ZNF836: variants seen among roughly 807,000 people sequenced by gnomAD.
ZNF836 encodes zinc finger protein 836.
A neutral mutation model predicts 7.4 loss-of-function variants in ZNF836; 12 were observed. That is an observed-to-expected ratio of 1.61 (90% CI 1.03 to 2.61). The LOEUF (loss-of-function observed/expected upper bound fraction) is 2.61. Among genes scored for constraint, ZNF836 ranks in the 30% most tolerant of loss-of-function variants. The probability of loss-of-function intolerance (pLI) is 0.00; values close to 1 mark genes in which losing one functional copy is unlikely to be tolerated. For synonymous variants in ZNF836, 365 were observed against 382.6 expected, an observed-to-expected ratio of 0.95 and a Z score of 0.54; for missense variants, 998 against 1,126.2, an observed-to-expected ratio of 0.89 and a Z score of 1.63.
chr19:52,155,151 A>G lies in ZNF836; in HGVS notation c.2532T>C (p.Ile844=). The part of the protein sequence containing the change: ...YKCNECGKAF[I]ERSKLVYHQR... The stretch of plus-strand genomic sequence containing the variant: ...GATGGTACACCAGCTTTGACCTTTC[A>G]ATAAAAGCTTTACCACATTCATTAC... The change falls in exon 5 of 5, where the codon ATT becomes ATC. Residue 844 remains isoleucine, a synonymous_variant. Coordinates refer to ENST00000682614, the MANE Select transcript of ZNF836 (RefSeq NM_001102657.3). 2 of 1,614,100 alleles carry G rather than the reference A, an allele frequency of 1.2e-6. No individual in the cohort carries two copies. Among genetic ancestry groups the G allele is most frequent in the Non-Finnish European group, 1.7e-6 (2 of 1,179,980 alleles).
Position 52,157,138 on chromosome 19 carries a change from C to T in ZNF836, c.545G>A (p.Arg182Lys), listed in dbSNP as rs368447950. 5.8e-5 allele frequency: 93 copies of T among 1,613,218 alleles called. No homozygotes were observed. In the East Asian group the frequency reaches 1.2e-3, roughly 20 times the overall value. The change falls in exon 5 of 5, where the codon AGA becomes AAA. Residue 182 changes from arginine (R) to lysine (K), a missense_variant. Transcript: ENST00000682614. ...NNSSLVSPLQRILPSVQTNIS... is the reference protein window; with the variant it reads ...NNSSLVSPLQKILPSVQTNIS... The stretch of plus-strand genomic sequence containing the variant: ...GTTGGTTTGGACACTAGGAAGAATT[C>T]TTTGAAGTGGTGAAACTAGGGAACT...
At position 52,156,624 on chromosome 19, in the gene ZNF836, T is replaced by C. The variant is rs1183270419; in HGVS notation, c.1059A>G (p.Thr353=). The C allele has an allele frequency of 6.2e-7, 1 of 1,613,332 alleles. No individual in the cohort carries two copies. Among genetic ancestry groups the C allele is most frequent in the Non-Finnish European group, 8.5e-7 (1 of 1,179,520 alleles). Residue 353 remains threonine, a synonymous_variant, in exon 5 of 5, where the codon ACA becomes ACG. Transcript: ENST00000682614. ...TATCACATTGATATGGTTTCTCTCC[T>C]GTATGGATTATCTGATGTGTAGTGA... ...SCLTTHQIIH[T]GEKPYQCDIC...
rs1441057336 is a variant in ZNF836 at position 52,168,138 on chromosome 19, C to A, written c.-66G>T. On this transcript the variant is annotated 5_prime_UTR_variant, in exon 3 of 5. Transcript: ENST00000682614. The stretch of plus-strand genomic sequence containing the variant: ...TCTCTCTCAGTCAATATAATTAATT[C>A]TTTACAAGTCAAATCTGAAAGTGAA... 5 of 1,574,464 alleles carry A rather than the reference C, an allele frequency of 3.2e-6. No homozygotes were observed. The African/African-American group carries it at 4.1e-5, about 13-fold the overall frequency.
In ZNF836 at chr19:52,157,291, T is replaced by C; in HGVS notation, c.392A>G (p.Asp131Gly). Reference sequence around the variant, plus strand: ...ATTTTCAATACATTTGTTTTCTACATCCTCTTGACTATGTTGACCTCTTTT... The same window carrying C: ...ATTTTCAATACATTTGTTTTCTACACCCTCTTGACTATGTTGACCTCTTTT... ...NGKRGQHSQE[D>G]VENKCIENQL... is the part of the protein sequence containing the mutation. Residue 131 changes from aspartate (D) to glycine (G), a missense_variant, in exon 5 of 5, where the codon GAT becomes GGT. Physicochemically the swap from Asp to Gly is moderately conservative, Grantham distance 94. Transcript: ENST00000682614. The C allele has an allele frequency of 6.2e-7, 1 of 1,605,354 alleles. No homozygotes were observed. Among genetic ancestry groups the C allele is most frequent in the Non-Finnish European group, 8.5e-7 (1 of 1,174,670 alleles).
In ZNF836 at chr19:52,156,624, T is replaced by A. The variant is rs1183270419; in HGVS notation, c.1059A>T (p.Thr353=). Reference sequence around the variant, plus strand: ...TATCACATTGATATGGTTTCTCTCCTGTATGGATTATCTGATGTGTAGTGA... The same window carrying A: ...TATCACATTGATATGGTTTCTCTCCAGTATGGATTATCTGATGTGTAGTGA... The part of the protein sequence containing the change: ...SCLTTHQIIH[T]GEKPYQCDIC... Residue 353 remains threonine (T), a synonymous_variant, in exon 5 of 5, where the codon ACA becomes ACT. Coordinates refer to ENST00000682614, the MANE Select transcript of ZNF836 (RefSeq NM_001102657.3). The A allele has an allele frequency of 6.2e-7, 1 of 1,613,450 alleles. No individual in the cohort carries two copies. Among genetic ancestry groups the A allele is most frequent in the South Asian group, 1.1e-5 (1 of 91,032 alleles).
At chr19:52,164,145 A>G (rs2089238966) in intron 3 of ZNF836, among the ~76,000 whole-genome samples, 1 of 152,122 alleles carries the variant, frequency 6.6e-6, no homozygotes, top group African/African-American at 2.4e-5. Flanking sequence ...TAATCCCAGC[A>G]CTTTGGGGAG....
At chr19:52,170,748 A>C (rs2089301180) in intron 1 of ZNF836, among the ~76,000 whole-genome samples, 1 of 151,886 alleles carries the variant, frequency 6.6e-6, no homozygotes, top group Admixed American at 6.6e-5. Flanking sequence ...ATTCTCTTCT[A>C]TTCGGTCTTT....
chr19:52,166,659 C>T (rs1294805174), intron 3 of ZNF836, among the ~76,000 whole-genome samples: 1 of 151,070 alleles, frequency 6.6e-6, no homozygotes, highest in Non-Finnish European at 1.5e-5. Context: ...CTGCAAGCTC[C>T]ACCTCCTGGG....
In ZNF836 at chr19:52,161,136, C is replaced by T. The variant is rs867767970; in HGVS notation, c.16-545G>A. On this transcript the variant is annotated intron_variant, in intron 3 of 4. Coordinates refer to ENST00000682614, the MANE Select transcript of ZNF836 (RefSeq NM_001102657.3). The surrounding 1 kb of genome is among the most constrained non-coding windows in gnomAD (Gnocchi z 4.1). ...ATGTTACTAGGAGACAACTATGTCACAGAAAACGCTAAAAAGTCACCTAGG... is the reference window on the plus strand; with the variant it reads ...ATGTTACTAGGAGACAACTATGTCATAGAAAACGCTAAAAAGTCACCTAGG... 3.9e-5 allele frequency among the ~76,000 whole-genome samples: 6 copies of T among 152,172 alleles called. No individual in the cohort carries two copies. Among genetic ancestry groups the T allele is most frequent in the Non-Finnish European group, 7.3e-5 (5 of 68,040 alleles).
chr19:52,163,157 G>T (rs779150164), intron 3 of ZNF836, among the ~76,000 whole-genome samples: 5 of 152,202 alleles, frequency 3.3e-5, no homozygotes, highest in Non-Finnish European at 7.3e-5. Flanking sequence ...CAGTCTCAAA[G>T]ATCTCTAAAA....
chr19:52,157,814 C>T (rs2089179849), intron 4 of ZNF836, among the ~76,000 whole-genome samples: 1 of 152,038 alleles, frequency 6.6e-6, no homozygotes, highest in Non-Finnish European at 1.5e-5. Flanking sequence ...CGTGATCCGC[C>T]CACCTCGGCC....
rs2089166397 is a variant in ZNF836 at position 52,156,822 on chromosome 19, T to C, written c.861A>G (p.Ser287=). The change falls in exon 5 of 5, where the codon TCA becomes TCG. Residue 287 remains serine, a synonymous_variant. Coordinates refer to ENST00000682614, the MANE Select transcript of ZNF836 (RefSeq NM_001102657.3). ...GVCGKIFRQN[S]DLVNHRRSHT... ...GACTTCTCCGGTGATTTACAAGATC[T>C]GAATTTTGTCTGAAGATCTTGCCAC... The C allele has an allele frequency of 6.2e-7, 1 of 1,614,204 alleles. No homozygotes were observed. The highest frequency in any genetic ancestry group is 8.5e-7 in the Non-Finnish European group (1 of 1,180,022).
rs760797888 is a variant in ZNF836 at position 52,155,537 on chromosome 19, G to C, written c.2146C>G (p.Pro716Ala). ...SSKLARYHRN[P>A]TGEKPHKCSH... Reference sequence around the variant, plus strand: ...CATTTGTGTGGTTTCTCCCCAGTAGGATTTCTGTGATATCTTGCAAGTTTT... The same window carrying C: ...CATTTGTGTGGTTTCTCCCCAGTAGCATTTCTGTGATATCTTGCAAGTTTT... The change falls in exon 5 of 5, where the codon CCT (proline) becomes GCT (alanine). Residue 716 changes from proline (P) to alanine (A), a missense_variant. Transcript: ENST00000682614. 1 of 1,613,906 alleles carries C rather than the reference G, an allele frequency of 6.2e-7. No homozygotes were observed. Among genetic ancestry groups the C allele is most frequent in the Admixed American group, 1.7e-5 (1 of 60,016 alleles).
chr19:52,165,974 C>A lies in ZNF836; in HGVS notation c.15+2084G>T, dbSNP rs180914013. On this transcript the variant is annotated intron_variant, in intron 3 of 4. Transcript: ENST00000682614. ...AGTTAAATTTTCAGAATATATATGCCTTAATGTCCTTTTTTTATTTTTATT... is the reference window on the plus strand; with the variant it reads ...AGTTAAATTTTCAGAATATATATGCATTAATGTCCTTTTTTTATTTTTATT... Among the ~76,000 whole-genome samples, 4 of 152,008 alleles carry A rather than the reference C, an allele frequency of 2.6e-5. No homozygotes were observed. In the East Asian group the frequency reaches 7.7e-4, roughly 29 times the overall value.
rs568334500 is a variant in ZNF836 at position 52,168,343 on chromosome 19, C to T, written c.-80-191G>A. On this transcript the variant is annotated intron_variant, in intron 2 of 4. Coordinates refer to ENST00000682614, the MANE Select transcript of ZNF836 (RefSeq NM_001102657.3). ...TGGCTCACGCCTGTAATCCCAGCAC[C>T]TTAGGAGGCAGAGGCGGGCAGATCA... is the stretch of plus-strand genomic sequence containing the variant. Among the ~76,000 whole-genome samples the T allele has an allele frequency of 5.3e-5, 8 of 152,192 alleles. No individual in the cohort carries two copies. In the East Asian group the frequency reaches 7.8e-4, roughly 15 times the overall value.
At chr19:52,163,070 G>A (rs7255706) in intron 3 of ZNF836, among the ~76,000 whole-genome samples, 112,540 of 151,978 alleles carry the variant, frequency 0.74, 41,958 homozygotes, top group Middle Eastern at 0.81. Flanking sequence ...TCCGAGGTCC[G>A]AAGGGCACCC....
At position 52,157,522 on chromosome 19, in the gene ZNF836, A is replaced by G; in HGVS notation, c.161T>C (p.Met54Thr). ...LVFLGILPKC[M>T]TKELPPIGNS... ...CCCTATTGGTGGTAATTCCTTGGTC[A>G]TACATTTAGGAAGGATACCTACAAA... Residue 54 changes from methionine (M) to threonine (T), a missense_variant, in exon 5 of 5, where the codon ATG (methionine) becomes ACG (threonine). Transcript: ENST00000682614. 1 of 1,528,450 alleles carries G rather than the reference A, an allele frequency of 6.5e-7. No homozygotes were observed. Among genetic ancestry groups the G allele is most frequent in the Non-Finnish European group, 8.7e-7 (1 of 1,144,056 alleles). 94.7% of individuals were successfully genotyped at this position (1,528,450 alleles called of 1,614,324 possible).
chr19:52,157,073 A>C lies in ZNF836; in HGVS notation c.610T>G (p.Leu204Val). 1 of 1,613,992 alleles carries C rather than the reference A, an allele frequency of 6.2e-7. No homozygotes were observed. The highest frequency in any genetic ancestry group is 1.3e-5 in the African/African-American group (1 of 75,058). ...TGTGTTTTCTCAAGTTGGGTGGGTAATGACAGCTGCAAAAACTCATTCTCA... is the reference window on the plus strand; with the variant it reads ...TGTGTTTTCTCAAGTTGGGTGGGTACTGACAGCTGCAAAAACTCATTCTCA... Reference protein sequence around the residue: ...KYENEFLQLSLPTQLEKTHIR... With the variant: ...KYENEFLQLSVPTQLEKTHIR... The change falls in exon 5 of 5, where the codon TTA (leucine) becomes GTA (valine). Residue 204 changes from leucine to valine, a missense_variant. Leu to Val is a conservative substitution (Grantham distance 32, BLOSUM62 1). Transcript: ENST00000682614.
At chr19:52,165,481 C>T (rs759785637) in intron 3 of ZNF836, 6 of 152,224 alleles carry the variant, frequency 3.9e-5, no homozygotes, top group Non-Finnish European at 7.3e-5. Flanking sequence ...CACAGCAGAA[C>T]ATTCACTGAA....
Sources: allele counts gnomAD v4.1 joint callset (sites outside exome capture counted in the v4.1 genomes callset), GRCh38; gene constraint gnomAD v4.1.1; non-coding constraint Gnocchi (gnomAD v3.1); transcripts MANE v1.5; gene names NCBI Gene and HGNC (gene_info 2026-07-23, HGNC 2026-07-21).